The following SYT10 variants were observed in gnomAD, a reference collection of about 807,000 sequenced individuals.
SYT10 encodes synaptotagmin 10.
Under a neutral mutation model 51.1 loss-of-function variants are expected in SYT10, and 31 were observed. The observed-to-expected ratio is 0.61, with a 90% CI of 0.46 to 0.82. The LOEUF (loss-of-function observed/expected upper bound fraction) is 0.82. Ranked by LOEUF, SYT10 falls within the 40% of genes least tolerant of loss-of-function variation. SYT10 has a pLI of 0.00. For missense variants in SYT10, 603 were observed against 634.0 expected (o/e 0.95, Z 0.53); for synonymous variants, 233 against 225.9 (o/e 1.03, Z -0.28).
intron 5 of SYT10, among the ~76,000 whole-genome samples, chr12:33,381,765 G>T (rs1866117107): frequency 6.6e-6 from 1 of 152,110 alleles, no homozygotes; most frequent in South Asian, 2.1e-4. Flanking sequence ...TTTCATGAAA[G>T]CAGGAGTGAC....
intron 2 of SYT10, among the ~76,000 whole-genome samples, chr12:33,409,451 A>G (rs1224674605): frequency 1.3e-5 from 2 of 151,704 alleles, no homozygotes; most frequent in Non-Finnish European, 2.9e-5. Context: ...TCCTGACCTT[A>G]AGTGATTTGC....
intron 3 of SYT10, among the ~76,000 whole-genome samples, chr12:33,398,660 A>G (rs192315843): frequency 6.6e-6 from 1 of 152,210 alleles, no homozygotes; most frequent in African/African-American, 2.4e-5. Flanking sequence ...TACTACTACT[A>G]TGATATAATT....
intron 2 of SYT10, among the ~76,000 whole-genome samples, chr12:33,418,342 G>A (rs1866473029): frequency 6.6e-6 from 1 of 152,024 alleles, no homozygotes; most frequent in Non-Finnish European, 1.5e-5. Context: ...TCAACGCTCA[G>A]AAATTTATCC....
intron 2 of SYT10, among the ~76,000 whole-genome samples, chr12:33,423,516 G>A (rs907184070): frequency 1.3e-5 from 2 of 152,068 alleles, no homozygotes; most frequent in Non-Finnish European, 2.9e-5. Flanking sequence ...GTAATTTCTA[G>A]TATGATGAAG....
In SYT10 at chr12:33,374,268, G is replaced by T. The variant is rs550318126; in HGVS notation, c.*2562C>A. ...CTTTTTTTTCCTAGACTGATATTTG[G>T]TAAGTCCCTGAAGAAGTCCCTGAAA... On this transcript the variant is annotated 3_prime_UTR_variant, in exon 7 of 7. Coordinates refer to ENST00000228567, the MANE Select transcript of SYT10 (RefSeq NM_198992.4). 1.3e-5 allele frequency: 2 copies of T among 151,390 alleles called. No homozygotes were observed. The highest frequency in any genetic ancestry group is 2.4e-5 in the African/African-American group (1 of 41,194). The allele number at this position is 151,390 out of a possible 1,614,324, so 9.4% of individuals were successfully genotyped here. A position where few individuals can be genotyped will look rare whatever the true frequency, so the allele number is the denominator to read the frequency against.
chr12:33,412,095 A>AT (rs987963737), intron 2 of SYT10, among the ~76,000 whole-genome samples: 1 of 152,012 alleles, frequency 6.6e-6, no homozygotes, highest in Non-Finnish European at 1.5e-5. Context: ...TTAATTCTTT[A>AT]TTTTTTTATA....
intron 1 of SYT10, among the ~76,000 whole-genome samples, chr12:33,438,095 T>G (rs1866652469): frequency 6.6e-6 from 1 of 152,070 alleles, no homozygotes; most frequent in African/African-American, 2.4e-5. Flanking sequence ...AAAGCTAAAC[T>G]AAACCCATTC....
At chr12:33,376,989 C>G in intron 6 of SYT10, 88 bp from the exon 7 acceptor site, 4 of 1,345,218 alleles carry the variant, frequency 3.0e-6, no homozygotes, top group Non-Finnish European at 4.2e-6. Flanking sequence ...AGTGAATATT[C>G]AACCATAATA....
rs1158162226 is a variant in SYT10, at chr12:33,382,465, T to G, written c.1254A>C (p.Lys418Asn). 24 of 1,613,216 alleles carry G rather than the reference T, an allele frequency of 1.5e-5. No individual in the cohort carries two copies. Among genetic ancestry groups the G allele is most frequent in the Non-Finnish European group, 1.8e-5 (21 of 1,179,572 alleles). Residue 418 changes from lysine (K) to asparagine (N), a missense_variant, in exon 5 of 7, where the codon AAA (lysine) becomes AAC (asparagine). By Grantham distance (94) the Lys-to-Asn change is moderately conservative. Coordinates refer to ENST00000228567, the MANE Select transcript of SYT10 (RefSeq NM_198992.4). ...MCEGRRLKKR[K>N]TTTKKNTLNP... is the part of the protein sequence containing the mutation. ...TTAGAGTGTTTTTCTTTGTAGTTGT[T>G]TTCCTCTTTTTTAATCTTCGACCTT...
intron 1 of SYT10, among the ~76,000 whole-genome samples, chr12:33,438,942 G>A (rs533157125): frequency 9.8e-5 from 15 of 152,360 alleles, no homozygotes; most frequent in East Asian, 5.8e-4. Flanking sequence ...ACAAGGCCGG[G>A]ACCAGCGGCC....
Position 33,407,256 on chromosome 12 carries a change from T to C in SYT10, c.610A>G (p.Thr204Ala), listed in dbSNP as rs1454900868. The change falls in exon 3 of 7, where the codon ACC becomes GCC. Residue 204 changes from threonine (T) to alanine (A), a missense_variant. Coordinates refer to ENST00000228567, the MANE Select transcript of SYT10 (RefSeq NM_198992.4). Reference sequence around the variant, plus strand: ...TCTGGCTTTATCCTCCCAATGCTGGTTGTTGTTTCTCCTCGTTGTAAAACA... The same window carrying C: ...TCTGGCTTTATCCTCCCAATGCTGGCTGTTGTTTCTCCTCGTTGTAAAACA... ...EPVLQRGETT[T>A]SIGRIKPELY... is the part of the protein sequence containing the mutation. 1.9e-6 allele frequency: 3 copies of C among 1,614,060 alleles called. No individual in the cohort carries two copies. Among genetic ancestry groups the C allele is most frequent in the Non-Finnish European group, 1.7e-6 (2 of 1,180,038 alleles).
chr12:33,406,956 C>T lies in SYT10; in HGVS notation c.910G>A (p.Val304Ile), dbSNP rs1866359353. 1 of 1,613,990 alleles carries T rather than the reference C, an allele frequency of 6.2e-7. No homozygotes were observed. The highest frequency in any genetic ancestry group is 1.7e-5 in the Admixed American group (1 of 60,004). ...PLFDETFQFP[V>I]AYDQLSNRKL... ...CGGTTGCTTAGTTGATCATATGCTACAGGAAATTGAAAAGTTTCATCAAAT... is the reference window on the plus strand; with the variant it reads ...CGGTTGCTTAGTTGATCATATGCTATAGGAAATTGAAAAGTTTCATCAAAT... Residue 304 changes from valine to isoleucine, a missense_variant, in exon 3 of 7, where the codon GTA (valine) becomes ATA (isoleucine). Transcript: ENST00000228567.
At chr12:33,377,134 C>T (rs1397716332) in intron 6 of SYT10, among the ~76,000 whole-genome samples, 1 of 152,124 alleles carries the variant, frequency 6.6e-6, no homozygotes. Flanking sequence ...TGGAGCAGCC[C>T]TGTGTAGACA....
intron 4 of SYT10, 135 bp downstream of exon 4, chr12:33,385,036 A>C: frequency 8.8e-7 from 1 of 1,133,850 alleles, no homozygotes. Flanking sequence ...GGAACATTTA[A>C]ATTTGTAATC....
rs1866065663 is a variant in SYT10, at chr12:33,376,737, T to A, written c.*93A>T. 1 of 1,434,620 alleles carries A rather than the reference T, an allele frequency of 7.0e-7. No homozygotes were observed. The highest frequency in any genetic ancestry group is 1.4e-5 in the African/African-American group (1 of 70,690). The allele number at this position is 1,434,620 out of a possible 1,614,324, so 88.9% of individuals were successfully genotyped here. ...AAGTTTGTTCATTAGTACGGATATA[T>A]TTCAAATGAGGAAACCAAACCTTCC... On this transcript the variant is annotated 3_prime_UTR_variant, in exon 7 of 7. Transcript: ENST00000228567.
chr12:33,394,628 T>C lies in SYT10; in HGVS notation c.1078-9337A>G, dbSNP rs1303692142. 2.0e-5 allele frequency among the ~76,000 whole-genome samples: 3 copies of C among 152,354 alleles called. No individual in the cohort carries two copies. The East Asian group carries it at 5.8e-4, about 29-fold the overall frequency. Reference sequence around the variant, plus strand: ...TCAAAATATTCCTGTTGGGTTGATATTATTACAAATCTCTTTTTGTGGATG... The same window carrying C: ...TCAAAATATTCCTGTTGGGTTGATACTATTACAAATCTCTTTTTGTGGATG... On this transcript the variant is annotated intron_variant, in intron 3 of 6. Transcript: ENST00000228567.
intron 3 of SYT10, among the ~76,000 whole-genome samples, chr12:33,391,094 G>A (rs1866202121): frequency 6.6e-6 from 1 of 152,066 alleles, no homozygotes; most frequent in Non-Finnish European, 1.5e-5. Context: ...ATGCCACCAA[G>A]CCTAGCAAAT....
intron 3 of SYT10, 124 bp from the exon 4 acceptor site, chr12:33,385,415 T>C (rs2138387949): frequency 7.4e-7 from 1 of 1,349,854 alleles, no homozygotes; most frequent in Non-Finnish European, 9.9e-7. Flanking sequence ...ACAGATAACA[T>C]TGCAAGAAAG....
At chr12:33,437,758 T>C (rs570915788) in intron 1 of SYT10, among the ~76,000 whole-genome samples, 3 of 152,172 alleles carry the variant, frequency 2.0e-5, no homozygotes, top group Admixed American at 2.0e-4. Context: ...GCTTATCTAA[T>C]ATCACCACAG....
Sources: gnomAD v4.1 joint callset for allele counts (sites outside exome capture counted in the v4.1 genomes callset) on GRCh38, gnomAD v4.1.1 for gene constraint, MANE v1.5 for transcripts, NCBI Gene and HGNC (gene_info 2026-07-23, HGNC 2026-07-21) for gene names.